The following THADA variants were observed in gnomAD, a reference collection of about 807,000 sequenced individuals.
THADA encodes THADA armadillo repeat containing.
THADA carries 213 observed loss-of-function variants against 219.8 expected under a neutral mutation model. The observed-to-expected ratio is 0.97, with a 90% CI of 0.87 to 1.09. The LOEUF (loss-of-function observed/expected upper bound fraction) is 1.09, where lower values mean the gene tolerates loss of function less well. Among genes scored for constraint, THADA ranks in the 50% least tolerant of loss-of-function variants. The pLI, the probability that THADA is intolerant of heterozygous loss-of-function variation, is 0.00. For missense variants in THADA, 2,956 were observed against 2,311.3 expected (o/e 1.28, Z -5.72); for synonymous variants, 1,018 against 828.9 (o/e 1.23, Z -3.92).
intron 28 of THADA, among the ~76,000 whole-genome samples, chr2:43,416,539 T>C (rs868779586): frequency 6.6e-6 from 1 of 152,196 alleles, no homozygotes. Flanking sequence ...CAGCCTACTG[T>C]AGGACTGAGA....
At position 43,572,962 on chromosome 2, in the gene THADA, G is replaced by A. The variant is rs1029241929; in HGVS notation, c.1760C>T (p.Ser587Phe). 6 of 1,613,692 alleles carry A rather than the reference G, an allele frequency of 3.7e-6. No homozygotes were observed. In the African/African-American group the frequency reaches 8.0e-5, roughly 22 times the overall value. Reference sequence around the variant, plus strand: ...TCCCAGAGCCCCCCTGCTATTACAAGACCCTAAGGATGGGAAAGATTGCTC... The same window carrying A: ...TCCCAGAGCCCCCCTGCTATTACAAAACCCTAAGGATGGGAAAGATTGCTC... ...GQEQSFPSLGSCNSRGALGAL... is the reference protein window; with the variant it reads ...GQEQSFPSLGFCNSRGALGAL... Residue 587 changes from serine (S) to phenylalanine (F), a missense_variant, in exon 12 of 38, where the codon TCT becomes TTT. Physicochemically the swap from Ser to Phe is radical, Grantham distance 155. Transcript: ENST00000405975.
At chr2:43,427,980 A>C (rs1678707997) in intron 28 of THADA, 120 bp downstream of exon 28, 1 of 425,832 alleles carries the variant, frequency 2.3e-6, no homozygotes, top group Non-Finnish European at 3.2e-6. Context: ...CAAACAAATA[A>C]TATATATATA....
At chr2:43,556,282 T>A (rs191811071) in intron 17 of THADA, 63 bp downstream of exon 17, 4 of 1,582,086 alleles carry the variant, frequency 2.5e-6, no homozygotes, top group South Asian at 2.3e-5. Context: ...CATTAGATAT[T>A]CTAACCAAAT....
chr2:43,529,563 G>A (rs1482969703), intron 21 of THADA, among the ~76,000 whole-genome samples: 1 of 152,128 alleles, frequency 6.6e-6, no homozygotes, highest in Non-Finnish European at 1.5e-5. Flanking sequence ...GTTGACTAAG[G>A]TTTTGAATAG....
chr2:43,535,806 A>G (rs1574131509), intron 21 of THADA, among the ~76,000 whole-genome samples: 1 of 146,398 alleles, frequency 6.8e-6, no homozygotes, highest in East Asian at 2.1e-4. Flanking sequence ...ATCCATTTTG[A>G]GTTAATTTCT....
chr2:43,403,399 T>C (rs1488678596), intron 28 of THADA, among the ~76,000 whole-genome samples: 1 of 152,182 alleles, frequency 6.6e-6, no homozygotes, highest in Non-Finnish European at 1.5e-5. Flanking sequence ...GCTCTATATG[T>C]GGTACCTCAT....
chr2:43,560,607 T>G (rs1326844404), intron 15 of THADA, among the ~76,000 whole-genome samples: 1 of 152,234 alleles, frequency 6.6e-6, no homozygotes, highest in East Asian at 1.9e-4. Context: ...ACCATTCCAT[T>G]ATCTTTTGAA....
At chr2:43,279,166 C>T (rs1432894773) in intron 36 of THADA, among the ~76,000 whole-genome samples, 2 of 152,168 alleles carry the variant, frequency 1.3e-5, no homozygotes, top group African/African-American at 4.8e-5. Flanking sequence ...CACATGACCC[C>T]GGGCCTGGGG....
intron 20 of THADA, 56 bp from the exon 21 acceptor site, chr2:43,541,372 C>G: frequency 2.5e-6 from 4 of 1,591,980 alleles, no homozygotes; most frequent in East Asian, 4.5e-5. Flanking sequence ...TCCCAGGTTT[C>G]TAAAAACAAG....
intron 21 of THADA, among the ~76,000 whole-genome samples, chr2:43,531,700 A>G (rs933809065): frequency 2.6e-5 from 4 of 152,236 alleles, no homozygotes; most frequent in African/African-American, 9.7e-5. Flanking sequence ...TCACTTTAAA[A>G]TGAAAACCTC....
intron 26 of THADA, among the ~76,000 whole-genome samples, chr2:43,438,256 C>T (rs574106104): frequency 7.4e-5 from 10 of 134,802 alleles, no homozygotes; most frequent in Admixed American, 1.7e-4. Flanking sequence ...GAGCCGAGAT[C>T]GTGCCACTGC....
At chr2:43,521,910 A>G (rs528095831) in intron 22 of THADA, among the ~76,000 whole-genome samples, 1 of 152,338 alleles carries the variant, frequency 6.6e-6, no homozygotes, top group Non-Finnish European at 1.5e-5. Flanking sequence ...GGCTTCATCC[A>G]TCCAACTACA....
chr2:43,541,896 C>T (rs868167886), intron 20 of THADA, among the ~76,000 whole-genome samples: 5 of 152,040 alleles, frequency 3.3e-5, no homozygotes, highest in Admixed American at 1.3e-4. Context: ...ACAAACTCTG[C>T]CTCTCTGTCA....
At chr2:43,434,262 CCA>C (rs1679781913) in intron 26 of THADA, among the ~76,000 whole-genome samples, 1 of 152,136 alleles carries the variant, frequency 6.6e-6, no homozygotes, top group Non-Finnish European at 1.5e-5. Flanking sequence ...AACTGATTAT[CCA>C]CACAGACAAA....
intron 36 of THADA, among the ~76,000 whole-genome samples, chr2:43,264,292 T>TC (rs1671281726): frequency 6.6e-6 from 1 of 151,774 alleles, no homozygotes; most frequent in African/African-American, 2.4e-5. Context: ...TCTTTTCTTT[T>TC]TTTTTTTTTT....
chr2:43,507,455 A>G (rs976197040), intron 23 of THADA, among the ~76,000 whole-genome samples: 6 of 152,186 alleles, frequency 3.9e-5, no homozygotes, highest in African/African-American at 1.4e-4. Flanking sequence ...GTCAGAGTGA[A>G]TTAGAGGCAG....
intron 26 of THADA, among the ~76,000 whole-genome samples, chr2:43,449,356 G>C (rs562730882): frequency 6.6e-6 from 1 of 152,168 alleles, no homozygotes; most frequent in Admixed American, 6.5e-5. Flanking sequence ...AAACATTATG[G>C]GAGTTCTAGA....
chr2:43,400,482 T>TATATAC (rs1553427586), intron 28 of THADA, among the ~76,000 whole-genome samples: 6 of 146,738 alleles, frequency 4.1e-5, no homozygotes, highest in Middle Eastern at 7.2e-3. Context: ...TATATAAATA[T>TATATAC]ATACACTAAG....
At position 43,253,997 on chromosome 2, in the gene THADA, T is replaced by C. The variant is rs535658206; in HGVS notation, c.5297-21115A>G. On this transcript the variant is annotated intron_variant, in intron 36 of 37. Transcript: ENST00000405975. ...CTGGAGACCCAGCCCCTCCACACCT[T>C]TTAGTCCATGTGGTTTGGGTGGGGC... Among the ~76,000 whole-genome samples, 326 of 152,138 alleles carry C rather than the reference T, an allele frequency of 2.1e-3. 1 individual carries two copies. Among genetic ancestry groups the C allele is most frequent in the African/African-American group, 7.6e-3 (315 of 41,544 alleles).
Sources: gnomAD v4.1 joint callset for allele counts (sites outside exome capture counted in the v4.1 genomes callset) on GRCh38, gnomAD v4.1.1 for gene constraint, MANE v1.5 for transcripts, NCBI Gene and HGNC (gene_info 2026-07-23, HGNC 2026-07-21) for gene names.